IL2RA: variants seen among roughly 807,000 people sequenced by gnomAD.
IL2RA encodes interleukin 2 receptor subunit alpha.
IL2RA carries 24 observed loss-of-function variants against 37.8 expected under a neutral mutation model. That is an observed-to-expected ratio of 0.63 (90% CI 0.46 to 0.89). The LOEUF (loss-of-function observed/expected upper bound fraction) is 0.89, where lower values mean the gene tolerates loss of function less well. IL2RA is among the 40% of genes least tolerant of loss of function. IL2RA has a pLI of 0.00. For synonymous variants in IL2RA, 125 were observed against 114.6 expected, an observed-to-expected ratio of 1.09 and a Z score of -0.58; for missense variants, 319 against 348.6, an observed-to-expected ratio of 0.92 and a Z score of 0.68.
In IL2RA at chr10:6,062,157, T is replaced by C. The variant is rs779962326; in HGVS notation, c.-6A>G. On this transcript the variant is annotated 5_prime_UTR_variant, in exon 1 of 8. Coordinates refer to ENST00000379959, the MANE Select transcript of IL2RA (RefSeq NM_000417.3). ...ATCAGCAGGTATGAATCCATCTTCCTGACCCTTGGGACCAGCCGGGGCAGT... is the reference window on the plus strand; with the variant it reads ...ATCAGCAGGTATGAATCCATCTTCCCGACCCTTGGGACCAGCCGGGGCAGT... 6.3e-5 allele frequency: 102 copies of C among 1,613,270 alleles called. No homozygotes were observed. Among genetic ancestry groups the C allele is most frequent in the Non-Finnish European group, 8.6e-5 (102 of 1,179,348 alleles).
Position 6,024,329 on chromosome 10 carries a change from C to T in IL2RA, c.282G>A (p.Val94=), listed in dbSNP as rs774606930. The T allele has an allele frequency of 9.3e-6, 15 of 1,613,932 alleles. No individual in the cohort carries two copies. Among genetic ancestry groups the T allele is most frequent in the Non-Finnish European group, 1.3e-5 (15 of 1,179,826 alleles). ...CTTTCTGTTCTTCAGGTTGAGGTGT[C>T]ACTTGTTTCGTTGTGTTCCGAGTGG... ...SSATRNTTKQ[V]TPQPEEQKER... is the part of the protein sequence containing the mutation. Residue 94 remains valine, a synonymous_variant, in exon 3 of 8, where the codon GTG becomes GTA. Transcript: ENST00000379959.
Position 6,019,518 on chromosome 10 carries a change from G to C in IL2RA, c.656-19C>G. ...TGAAAATCTGTGAAAAAGAGATAAA[G>C]AGAGACACTCCTGCTACCGTGACTT... On this transcript the variant is annotated intron_variant, in intron 5 of 7. Transcript: ENST00000379959. The C allele has an allele frequency of 6.4e-7, 1 of 1,574,466 alleles. No individual in the cohort carries two copies. The highest frequency in any genetic ancestry group is 8.7e-7 in the Non-Finnish European group (1 of 1,143,638).
At position 6,012,969 on chromosome 10, in the gene IL2RA, C is replaced by T. The variant is rs558731758; in HGVS notation, c.795-73G>A. Reference sequence around the variant, plus strand: ...AAAAAATGTGGTCCTCACTCTAAACCAGTGCACACGCCACCATGCCTGGCT... The same window carrying T: ...AAAAAATGTGGTCCTCACTCTAAACTAGTGCACACGCCACCATGCCTGGCT... On this transcript the variant is annotated intron_variant, in intron 7 of 7. Coordinates refer to ENST00000379959, the MANE Select transcript of IL2RA (RefSeq NM_000417.3). This position sits in a 1 kb window ranked among gnomAD's most constrained non-coding sequence, Gnocchi z 4.8. The T allele has an allele frequency of 1.6e-5, 22 of 1,392,600 alleles. 1 individual carries two copies. The South Asian group carries it at 2.2e-4, about 14-fold the overall frequency. The allele number at this position is 1,392,600 out of a possible 1,614,324, so 86.3% of individuals were successfully genotyped here.
At chr10:6,043,442 G>T (rs1839803657) in intron 1 of IL2RA, among the ~76,000 whole-genome samples, 1 of 151,640 alleles carries the variant, frequency 6.6e-6, no homozygotes, top group Non-Finnish European at 1.5e-5. Context: ...GTTTGTGTTT[G>T]TTTTGTTTTT....
chr10:6,031,441 A>AGT (rs1284333893), intron 1 of IL2RA, among the ~76,000 whole-genome samples: 4 of 84,328 alleles, frequency 4.7e-5, no homozygotes, highest in African/African-American at 8.4e-5. Context: ...TAGCAATTTC[A>AGT]GTATATATAT....
chr10:6,032,328 T>C (rs1839607817), intron 1 of IL2RA, among the ~76,000 whole-genome samples: 1 of 152,108 alleles, frequency 6.6e-6, no homozygotes, highest in Non-Finnish European at 1.5e-5. Flanking sequence ...AGATTGCTCA[T>C]AGAGGATGCA....
rs1840085848 is a variant in IL2RA at position 6,058,873 on chromosome 10, C to T, written c.64+3215G>A. Among the ~76,000 whole-genome samples, 1 of 152,152 alleles carries T rather than the reference C, an allele frequency of 6.6e-6. No individual in the cohort carries two copies. Among genetic ancestry groups the T allele is most frequent in the African/African-American group, 2.4e-5 (1 of 41,428 alleles). On this transcript the variant is annotated intron_variant, in intron 1 of 7. Coordinates refer to ENST00000379959, the MANE Select transcript of IL2RA (RefSeq NM_000417.3). This position sits in a 1 kb window ranked among gnomAD's most constrained non-coding sequence, Gnocchi z 4.2. The stretch of plus-strand genomic sequence containing the variant: ...ATCCCAGAGCCCAGTAATATAGAGA[C>T]TAAAAACACTCAAGTTGACTAATAT...
chr10:6,016,726 C>T (rs1051217444), intron 7 of IL2RA, among the ~76,000 whole-genome samples: 3 of 152,112 alleles, frequency 2.0e-5, no homozygotes, highest in African/African-American at 4.8e-5. Context: ...GCACCCACCA[C>T]CACGCCTGGC....
chr10:6,034,530 AG>A (rs1310332278), intron 1 of IL2RA, among the ~76,000 whole-genome samples: 2 of 131,268 alleles, frequency 1.5e-5, no homozygotes, highest in African/African-American at 6.5e-5. Context: ...TTTGTCTAAA[AG>A]TCTTGCACAG....
At position 6,014,360 on chromosome 10, in the gene IL2RA, T is replaced by C. The variant is rs891967538; in HGVS notation, c.795-1464A>G. 6.6e-6 allele frequency among the ~76,000 whole-genome samples: 1 copy of C among 152,154 alleles called. No homozygotes were observed. Among genetic ancestry groups the C allele is most frequent in the South Asian group, 2.1e-4 (1 of 4,818 alleles). ...GCCACAAGAGGGCACCATGGGTTGA[T>C]ATCAGATTCTAGGAAGGCTTTTGGA... On this transcript the variant is annotated intron_variant, in intron 7 of 7. Coordinates refer to ENST00000379959, the MANE Select transcript of IL2RA (RefSeq NM_000417.3). The surrounding 1 kb of genome is among the most constrained non-coding windows in gnomAD (Gnocchi z 4.4).
intron 1 of IL2RA, among the ~76,000 whole-genome samples, chr10:6,032,573 G>T (rs1239078334): frequency 6.6e-6 from 1 of 151,906 alleles, no homozygotes; most frequent in African/African-American, 2.4e-5. Context: ...TGCGCCTGTA[G>T]TCCCACCTGC....
At position 6,054,533 on chromosome 10, in the gene IL2RA, A is replaced by G. The variant is rs1419815068; in HGVS notation, c.64+7555T>C. 6.6e-6 allele frequency among the ~76,000 whole-genome samples: 1 copy of G among 151,808 alleles called. No homozygotes were observed. The highest frequency in any genetic ancestry group is 2.4e-5 in the African/African-American group (1 of 41,402). Reference sequence around the variant, plus strand: ...AGAATCTGAGACTCATTTGCTTGGCACACACACACAAAACTTCATGTATGT... The same window carrying G: ...AGAATCTGAGACTCATTTGCTTGGCGCACACACACAAAACTTCATGTATGT... On this transcript the variant is annotated intron_variant, in intron 1 of 7. Coordinates refer to ENST00000379959, the MANE Select transcript of IL2RA (RefSeq NM_000417.3). The surrounding 1 kb of genome is among the most constrained non-coding windows in gnomAD (Gnocchi z 4.5).
In IL2RA at chr10:6,044,379, C is replaced by A. The variant is rs1338180604; in HGVS notation, c.64+17709G>T. ...ACCACATAGGCAGAGAGTAGTAGGT[C>A]AGGGCAGTTTTGCATTCATATTTAT... On this transcript the variant is annotated intron_variant, in intron 1 of 7. Coordinates refer to ENST00000379959, the MANE Select transcript of IL2RA (RefSeq NM_000417.3). This position sits in a 1 kb window ranked among gnomAD's most constrained non-coding sequence, Gnocchi z 4.5. 6.6e-6 allele frequency among the ~76,000 whole-genome samples: 1 copy of A among 152,214 alleles called. No homozygotes were observed. The highest frequency in any genetic ancestry group is 1.5e-5 in the Non-Finnish European group (1 of 68,036).
At position 6,024,235 on chromosome 10, in the gene IL2RA, A is replaced by G. The variant is rs1039385689; in HGVS notation, c.367+9T>C. 4 of 1,582,062 alleles carry G rather than the reference A, an allele frequency of 2.5e-6. No homozygotes were observed. The highest frequency in any genetic ancestry group is 3.3e-5 in the Admixed American group (2 of 59,970). On this transcript the variant is annotated intron_variant, in intron 3 of 7. Transcript: ENST00000379959. ...CAGGAGTTAGCTGGAGGACAGATTC[A>G]TCTCTCACCTGGAAGGCTCGCTTGG... is the stretch of plus-strand genomic sequence containing the variant.
intron 1 of IL2RA, among the ~76,000 whole-genome samples, chr10:6,060,310 C>T (rs2132909207): frequency 6.6e-6 from 1 of 152,250 alleles, no homozygotes; most frequent in African/African-American, 2.4e-5. Flanking sequence ...CTGGGTACAG[C>T]ATACATGCTC....
At chr10:6,027,865 A>G (rs1441773494) in intron 1 of IL2RA, among the ~76,000 whole-genome samples, 8 of 152,320 alleles carry the variant, frequency 5.3e-5, no homozygotes, top group African/African-American at 1.7e-4. Flanking sequence ...AACACCAACC[A>G]ATATTTTAAG....
Position 6,046,525 on chromosome 10 carries a change from GCCCA to G in IL2RA, c.64+15559_64+15562del, listed in dbSNP as rs2132887930. Among the ~76,000 whole-genome samples the G allele has an allele frequency of 6.6e-6, 1 of 152,300 alleles. No homozygotes were observed. Among genetic ancestry groups the G allele is most frequent in the South Asian group, 2.1e-4 (1 of 4,820 alleles). Reference sequence around the variant, plus strand: ...GGTTGTAGGTTACGTGGTACCAAAAGCCCATGCCTGTGCTCCAGGGACTGTTCTC... The same window carrying G: ...GGTTGTAGGTTACGTGGTACCAAAAGTGCCTGTGCTCCAGGGACTGTTCTC... On this transcript the variant is annotated intron_variant, in intron 1 of 7. Coordinates refer to ENST00000379959, the MANE Select transcript of IL2RA (RefSeq NM_000417.3). The surrounding 1 kb of genome is among the most constrained non-coding windows in gnomAD (Gnocchi z 4.8).
rs1301483896 is a variant in IL2RA at position 6,029,791 on chromosome 10, GC to G, written c.65-3767del. 1.3e-5 allele frequency among the ~76,000 whole-genome samples: 2 copies of G among 151,860 alleles called. No homozygotes were observed. Among genetic ancestry groups the G allele is most frequent in the Non-Finnish European group, 2.9e-5 (2 of 67,970 alleles). On this transcript the variant is annotated intron_variant, in intron 1 of 7. Transcript: ENST00000379959. The surrounding 1 kb of genome is among the most constrained non-coding windows in gnomAD (Gnocchi z 4.6). ...ACAATCTTGGCTCACTGAAACCTCT[GC>G]CTCCCAGATTCAAGTGATTCTTCTG...
intron 1 of IL2RA, among the ~76,000 whole-genome samples, chr10:6,053,914 A>G (rs982938388): frequency 5.3e-5 from 8 of 152,330 alleles, no homozygotes; most frequent in Admixed American, 5.2e-4. Context: ...GCGTGGGAGG[A>G]AAAAGCCTGG....
Sources: gnomAD v4.1 joint callset for allele counts (sites outside exome capture counted in the v4.1 genomes callset) on GRCh38, gnomAD v4.1.1 for gene constraint, Gnocchi (gnomAD v3.1) non-coding constraint, MANE v1.5 for transcripts, NCBI Gene and HGNC (gene_info 2026-07-23, HGNC 2026-07-21) for gene names.